Variants in WNK2 observed in about 807,000 individuals in gnomAD.
The protein encoded by WNK2 is serine/threonine-protein kinase WNK2.
In WNK2, 67 loss-of-function variants were observed where a neutral mutation model predicts 192.1. The observed-to-expected ratio is 0.35, with a 90% CI of 0.29 to 0.43. The LOEUF is 0.43. WNK2 is among the 20% of genes least tolerant of loss of function. WNK2 has a pLI of 1.00. For synonymous variants in WNK2, 1,439 were observed against 1,393.9 expected (o/e 1.03, Z -0.72); for missense variants, 2,698 against 3,089.7 (o/e 0.87, Z 3.01).
At chr9:93,253,164 G>C (rs1842829664) in intron 9 of WNK2, 82 bp downstream of exon 9, 3 of 1,213,042 alleles carry the variant, frequency 2.5e-6, no homozygotes, top group South Asian at 4.2e-5. Context: ...ATTCTGTGAT[G>C]GGCTGTCCAG....
At chr9:93,232,964 C>CAAAAAA (rs71511650) in intron 4 of WNK2, among the ~76,000 whole-genome samples, 70 of 81,628 alleles carry the variant, frequency 8.6e-4, no homozygotes, top group East Asian at 1.3e-3. Context: ...CCTGTCTCTA[C>CAAAAAA]AAAAAAAAAA....
rs750231581 is a variant in WNK2 at position 93,292,871 on chromosome 9, C to T, written c.5406C>T (p.Gly1802=). The change falls in exon 23 of 30, where the codon GGC becomes GGT. Residue 1802 remains glycine (G), a synonymous_variant. Transcript: ENST00000427277. ...QTASSIEVGV[G]EPVSSDSGDE... is the part of the protein sequence containing the mutation. ...CCTCCTCCATCGAGGTCGGCGTGGG[C>T]GAGCCCGTGTCCAGCGACTCTGGGG... The T allele has an allele frequency of 4.6e-5, 68 of 1,486,548 alleles. No individual in the cohort carries two copies. The highest frequency in any genetic ancestry group is 5.6e-5 in the Non-Finnish European group (63 of 1,118,462). 92.1% of individuals were successfully genotyped at this position (1,486,548 alleles called of 1,614,324 possible).
intron 2 of WNK2, among the ~76,000 whole-genome samples, chr9:93,215,221 A>G (rs1835525892): frequency 6.6e-6 from 1 of 152,064 alleles, no homozygotes; most frequent in Non-Finnish European, 1.5e-5. Flanking sequence ...TCCTGGGTTC[A>G]AGCAATTCTC....
rs1469862510 is a variant in WNK2 at position 93,247,021 on chromosome 9, T to C, written c.1543-522T>C. Among the ~76,000 whole-genome samples, 2 of 152,198 alleles carry C rather than the reference T, an allele frequency of 1.3e-5. No homozygotes were observed. The highest frequency in any genetic ancestry group is 4.8e-5 in the African/African-American group (2 of 41,448). On this transcript the variant is annotated intron_variant, in intron 7 of 29. Transcript: ENST00000427277. This position sits in a 1 kb window ranked among gnomAD's most constrained non-coding sequence, Gnocchi z 5.2. ...TGCTCTCAAGGCTGTGCTTGGTAAA[T>C]CAGTTTTAAAATTTGCCAGGCATCA...
rs373259519 is a variant in WNK2, at chr9:93,292,863, G to C, written c.5398G>C (p.Gly1800Arg). The C allele has an allele frequency of 1.3e-6, 2 of 1,493,896 alleles. No homozygotes were observed. Among genetic ancestry groups the C allele is most frequent in the South Asian group, 1.3e-5 (1 of 76,126 alleles). 92.5% of individuals were successfully genotyped at this position (1,493,896 alleles called of 1,614,324 possible). A position where few individuals can be genotyped will look rare whatever the true frequency, so the allele number is the denominator to read the frequency against. ...RAQTASSIEV[G>R]VGEPVSSDSG... ...GCAGACGGCCTCCTCCATCGAGGTCGGCGTGGGCGAGCCCGTGTCCAGCGA... is the reference window on the plus strand; with the variant it reads ...GCAGACGGCCTCCTCCATCGAGGTCCGCGTGGGCGAGCCCGTGTCCAGCGA... The change falls in exon 23 of 30, where the codon GGC becomes CGC. Residue 1800 changes from glycine (G) to arginine (R), a missense_variant. By Grantham distance (125) the Gly-to-Arg change is moderately radical. Transcript: ENST00000427277.
intron 2 of WNK2, among the ~76,000 whole-genome samples, chr9:93,219,330 C>A (rs1836371090): frequency 6.6e-6 from 1 of 152,372 alleles, no homozygotes; most frequent in Admixed American, 6.5e-5. Context: ...CTGGGTGATG[C>A]CCGGCTTGAG....
In WNK2 at chr9:93,274,111, A is replaced by G. The variant is rs1013535361; in HGVS notation, c.4033+5365A>G. On this transcript the variant is annotated intron_variant, in intron 19 of 29. Transcript: ENST00000427277. ...ATAAAGACAAGAGCAGAAAGCTGTG[A>G]TATCTAAAACAAAAATCACAGGCAA... is the stretch of plus-strand genomic sequence containing the variant. Among the ~76,000 whole-genome samples, 5 of 152,368 alleles carry G rather than the reference A, an allele frequency of 3.3e-5. No homozygotes were observed. The South Asian group carries it at 1.0e-3, about 32-fold the overall frequency.
At position 93,267,736 on chromosome 9, in the gene WNK2, C is replaced by T. The variant is rs1485783190; in HGVS notation, c.3697-10C>T. 6.4e-7 allele frequency: 1 copy of T among 1,574,466 alleles called. No homozygotes were observed. Among genetic ancestry groups the T allele is most frequent in the Middle Eastern group, 1.7e-4 (1 of 6,002 alleles). On this transcript the variant is annotated splice_polypyrimidine_tract_variant and intron_variant, in intron 16 of 29. Transcript: ENST00000427277. Reference sequence around the variant, plus strand: ...CAGCTGGTCCTCACTGGCAGTATGTCCCTTTGCAGGTGGAGCATGACTTTA... The same window carrying T: ...CAGCTGGTCCTCACTGGCAGTATGTTCCTTTGCAGGTGGAGCATGACTTTA...
intron 19 of WNK2, among the ~76,000 whole-genome samples, chr9:93,287,689 CTAT>C (rs1232682683): frequency 6.6e-6 from 1 of 152,138 alleles, no homozygotes; most frequent in African/African-American, 2.4e-5. Context: ...CATCAGGGTC[CTAT>C]TAATCTCCCC....
At position 93,292,376 on chromosome 9, in the gene WNK2, G is replaced by T; in HGVS notation, c.5005G>T (p.Val1669Leu). 1.2e-6 allele frequency: 2 copies of T among 1,613,978 alleles called. No homozygotes were observed. The highest frequency in any genetic ancestry group is 1.7e-6 in the Non-Finnish European group (2 of 1,179,884). The change falls in exon 22 of 30, where the codon GTG becomes TTG. Residue 1669 changes from valine to leucine, a missense_variant. By Grantham distance (32) the Val-to-Leu change is conservative. Transcript: ENST00000427277. ...AAGGCAGGTGGCCTCAGACTCCCAT[G>T]TGGTCCCCAGCGTCCCCCAGGTAAG... ...DGRQVASDSH[V>L]VPSVPQDVPA...
At chr9:93,304,277 G>A (rs1852102948) in intron 26 of WNK2, among the ~76,000 whole-genome samples, 1 of 152,218 alleles carries the variant, frequency 6.6e-6, no homozygotes, top group Non-Finnish European at 1.5e-5. Flanking sequence ...AGTGGGGAGG[G>A]AGCCTCCACT....
At chr9:93,317,995 T>A in intron 29 of WNK2, 1 of 1,612,764 alleles carries the variant, frequency 6.2e-7, no homozygotes, top group Non-Finnish European at 8.5e-7. Context: ...CAAGACTGCT[T>A]CCTTTGCGGC....
rs991317234 is a variant in WNK2, at chr9:93,184,156, C to T, written c.-232C>T. ...GCCCCGCCCTCCCCGCGCGCCGGGT[C>T]GGAGCCGGTGCGGGAGCGGAGCCGC... On this transcript the variant is annotated 5_prime_UTR_variant, in exon 1 of 30. Transcript: ENST00000427277. Among the ~76,000 whole-genome samples the T allele has an allele frequency of 6.7e-6, 1 of 149,916 alleles. No individual in the cohort carries two copies. The highest frequency in any genetic ancestry group is 1.5e-5 in the Non-Finnish European group (1 of 67,252).
At chr9:93,209,586 T>G (rs1834111655) in intron 2 of WNK2, among the ~76,000 whole-genome samples, 1 of 152,124 alleles carries the variant, frequency 6.6e-6, no homozygotes, top group African/African-American at 2.4e-5. Flanking sequence ...TGTAGGGTTT[T>G]GGGGTGCGGT....
intron 2 of WNK2, among the ~76,000 whole-genome samples, chr9:93,202,163 G>A (rs1259373443): frequency 6.6e-6 from 1 of 152,168 alleles, no homozygotes; most frequent in African/African-American, 2.4e-5. Context: ...ATACAAGATG[G>A]CTCTGTGTCC....
At chr9:93,205,686 C>T (rs1047119774) in intron 2 of WNK2, among the ~76,000 whole-genome samples, 1 of 152,346 alleles carries the variant, frequency 6.6e-6, no homozygotes, top group South Asian at 2.1e-4. Context: ...TTTATTTTAT[C>T]TTTGGTGTTG....
At chr9:93,293,293 G>T (rs1282245306) in intron 23 of WNK2, 120 bp downstream of exon 23, 5 of 915,170 alleles carry the variant, frequency 5.5e-6, no homozygotes, top group African/African-American at 1.7e-5. Flanking sequence ...ACTTGGAGCT[G>T]CCAAGCAGGG....
At chr9:93,187,745 G>C (rs1036429650) in intron 2 of WNK2, among the ~76,000 whole-genome samples, 3 of 152,144 alleles carry the variant, frequency 2.0e-5, no homozygotes. Flanking sequence ...GGCTGACTTT[G>C]TGCAGAGCTA....
At chr9:93,235,618 G>A (rs1454609875) in intron 5 of WNK2, among the ~76,000 whole-genome samples, 4 of 152,222 alleles carry the variant, frequency 2.6e-5, no homozygotes, top group African/African-American at 7.2e-5. Context: ...AAATGGAATG[G>A]CCAGGCCAAG....
Sources: allele counts gnomAD v4.1 joint callset (sites outside exome capture counted in the v4.1 genomes callset), GRCh38; gene constraint gnomAD v4.1.1; non-coding constraint Gnocchi (gnomAD v3.1); transcripts MANE v1.5; gene names NCBI Gene and HGNC (gene_info 2026-07-23, HGNC 2026-07-21).